SCRN3: variants seen among roughly 807,000 people sequenced by gnomAD.
SCRN3 encodes the protein secernin 3.
SCRN3 carries 39 observed loss-of-function variants against 43.1 expected under a neutral mutation model. That is an observed-to-expected ratio of 0.91 (90% CI 0.70 to 1.18). The LOEUF (loss-of-function observed/expected upper bound fraction) is 1.18, where lower values mean the gene tolerates loss of function less well. Ranked by LOEUF, SCRN3 falls within the 50% of genes most tolerant of loss-of-function variation. The pLI is 0.00. For missense variants in SCRN3, 484 were observed against 498.0 expected, an observed-to-expected ratio of 0.97 and a Z score of 0.27; for synonymous variants, 147 against 163.1, an observed-to-expected ratio of 0.90 and a Z score of 0.75.
Position 174,427,831 on chromosome 2 carries a change from C to A in SCRN3, c.1211C>A (p.Pro404His), listed in dbSNP as rs773088386. 1 of 1,606,874 alleles carries A rather than the reference C, an allele frequency of 6.2e-7. No individual in the cohort carries two copies. The highest frequency in any genetic ancestry group is 1.7e-5 in the Admixed American group (1 of 59,850). ...LDVEKIVNLF[P>H]QCTKDEIQIY... ...GTGGAGAAAATTGTTAATCTCTTTCCTCAGTGTACAAAAGATGAAATTCAA... is the reference window on the plus strand; with the variant it reads ...GTGGAGAAAATTGTTAATCTCTTTCATCAGTGTACAAAAGATGAAATTCAA... Residue 404 changes from proline to histidine, a missense_variant, in exon 8 of 8, where the codon CCT becomes CAT. Physicochemically the swap from Pro to His is moderately conservative, Grantham distance 77. Transcript: ENST00000272732.
At chr2:174,399,840 C>G in intron 2 of SCRN3, 82 bp from the exon 3 acceptor site, 3 of 1,035,686 alleles carry the variant, frequency 2.9e-6, no homozygotes, top group Non-Finnish European at 3.8e-6. Flanking sequence ...TGTCTTCTGA[C>G]TGATTTTTTT....
At chr2:174,396,984 A>G in intron 1 of SCRN3, 2 of 671,084 alleles carry the variant, frequency 3.0e-6, no homozygotes, top group Non-Finnish European at 3.7e-6. Flanking sequence ...ATGAGGCAGA[A>G]GGCATAGGTA....
chr2:174,408,340 G>T, intron 5 of SCRN3, among the ~76,000 whole-genome samples: 1 of 129,854 alleles, frequency 7.7e-6, no homozygotes, highest in Admixed American at 7.8e-5. Context: ...CTTTTATTTT[G>T]AGCCTATGTG....
intron 5 of SCRN3, among the ~76,000 whole-genome samples, chr2:174,418,569 G>A (rs1413445028): frequency 6.6e-6 from 1 of 152,158 alleles, no homozygotes; most frequent in Non-Finnish European, 1.5e-5. Context: ...GATTACTTAT[G>A]GCTATCCCAC....
intron 5 of SCRN3, among the ~76,000 whole-genome samples, chr2:174,416,919 A>G (rs1459744280): frequency 6.6e-6 from 1 of 152,228 alleles, no homozygotes; most frequent in African/African-American, 2.4e-5. Context: ...CAGAATATTT[A>G]TAGAATGCCT....
chr2:174,426,463 G>T (rs1686485322), intron 7 of SCRN3, among the ~76,000 whole-genome samples: 1 of 152,056 alleles, frequency 6.6e-6, no homozygotes, highest in Non-Finnish European at 1.5e-5. Context: ...CCCCATAATG[G>T]TTCAAATTTT....
intron 7 of SCRN3, 129 bp from the exon 8 acceptor site, chr2:174,427,584 G>A: frequency 2.1e-6 from 1 of 475,110 alleles, no homozygotes; most frequent in Non-Finnish European, 3.6e-6. Flanking sequence ...TGTCTCTAAA[G>A]AACAAGAAGG....
intron 5 of SCRN3, among the ~76,000 whole-genome samples, chr2:174,417,265 T>C (rs1686144693): frequency 6.6e-6 from 1 of 152,090 alleles, no homozygotes; most frequent in African/African-American, 2.4e-5. Flanking sequence ...GTCCTGCACA[T>C]GTATCCCGGA....
rs147045670 is a variant in SCRN3, at chr2:174,402,144, G to C, written c.541+955G>C. Among the ~76,000 whole-genome samples the C allele has an allele frequency of 3.1e-3, 478 of 152,184 alleles. 5 individuals are homozygous for C. The highest frequency in any genetic ancestry group is 0.011 in the African/African-American group (451 of 41,488). On this transcript the variant is annotated intron_variant, in intron 4 of 7. Transcript: ENST00000272732. ...TTATTAATATATAACATTGTAGTTA[G>C]ACTTTTTCTTTTTGTGATAATTGGC... is the stretch of plus-strand genomic sequence containing the variant.
intron 7 of SCRN3, 138 bp downstream of exon 7, chr2:174,424,787 T>G: frequency 1.7e-6 from 1 of 593,292 alleles, no homozygotes; most frequent in African/African-American, 1.9e-5. Flanking sequence ...CAGACTATAG[T>G]AGAGCTGTAT....
At chr2:174,405,733 G>A (rs1685671856) in intron 5 of SCRN3, among the ~76,000 whole-genome samples, 1 of 150,348 alleles carries the variant, frequency 6.7e-6, no homozygotes, top group Non-Finnish European at 1.5e-5. Context: ...CCCATTGCTT[G>A]TTTTTCTCAG....
intron 5 of SCRN3, among the ~76,000 whole-genome samples, chr2:174,408,342 G>A (rs1290801058): frequency 7.6e-6 from 1 of 131,834 alleles, no homozygotes; most frequent in African/African-American, 2.6e-5. Flanking sequence ...TTTATTTTGA[G>A]CCTATGTGTG....
At chr2:174,397,402 G>A in intron 1 of SCRN3, 1 of 913,464 alleles carries the variant, frequency 1.1e-6, no homozygotes, top group Non-Finnish European at 1.3e-6. Flanking sequence ...TACAACTGAA[G>A]AGGTAATCTA....
chr2:174,427,626 C>T (rs1686532315), intron 7 of SCRN3, 87 bp from the exon 8 acceptor site: 2 of 704,862 alleles, frequency 2.8e-6, no homozygotes, highest in Non-Finnish European at 4.2e-6. Flanking sequence ...CCAGCATGAA[C>T]AAACCTTATT....
At chr2:174,396,124 A>G (rs999599489) in intron 1 of SCRN3, 7 of 966,876 alleles carry the variant, frequency 7.2e-6, no homozygotes, top group South Asian at 4.7e-5. Flanking sequence ...CGAGAATCCA[A>G]CAATATGATG....
chr2:174,427,870 ATTT>A lies in SCRN3; in HGVS notation c.1251_1253del (p.Asn417_Leu418delinsLys), dbSNP rs1204314895. On this transcript the variant is annotated inframe_deletion, in exon 8 of 8. Transcript: ENST00000272732. ...GATGAAATTCAAATTTATCAGTCAA[ATTT>A]ATCAGTCAAAGTTAGTTCTTAGTGA... The A allele has an allele frequency of 1.2e-5, 19 of 1,584,864 alleles. 1 individual carries two copies. In the South Asian group the frequency reaches 2.0e-4, roughly 17 times the overall value.
At position 174,429,450 on chromosome 2, in the gene SCRN3, C is replaced by G. The variant is rs1406618608; in HGVS notation, c.*1555C>G. On this transcript the variant is annotated 3_prime_UTR_variant, in exon 8 of 8. Transcript: ENST00000272732. ...GATTATGAATTCCCCTCCTAAAACT[C>G]TTTTTTAAAAGAGACTTTATTTTTT... The G allele has an allele frequency of 6.6e-6, 1 of 152,084 alleles. No individual in the cohort carries two copies. Among genetic ancestry groups the G allele is most frequent in the African/African-American group, 2.4e-5 (1 of 41,400 alleles). 9.4% of individuals were successfully genotyped at this position (152,084 alleles called of 1,614,324 possible).
chr2:174,395,733 A>T lies in SCRN3; in HGVS notation c.-94A>T, dbSNP rs79388135. 2.1e-3 allele frequency: 3,453 copies of T among 1,606,354 alleles called. 68 individuals carry two copies. The African/African-American group carries it at 0.039, about 18-fold the overall frequency. On this transcript the variant is annotated 5_prime_UTR_variant, in exon 1 of 8. Coordinates refer to ENST00000272732, the MANE Select transcript of SCRN3 (RefSeq NM_024583.5). ...GCAGCAAGGGGGAACTTCCGAGATC[A>T]AAGGTGACAGCTTCCGGCAACTGAT...
At position 174,398,274 on chromosome 2, in the gene SCRN3, G is replaced by C. The variant is rs1466642807; in HGVS notation, c.-9-1G>C. On this transcript the variant is annotated splice_acceptor_variant, in intron 1 of 7. Coordinates refer to ENST00000272732, the MANE Select transcript of SCRN3 (RefSeq NM_024583.5). LOFTEE classifies it low-confidence loss of function (5UTR_SPLICE). ...TTTTAAAACATCTGTATAATTTTTA[G>C]TTAAAAAAAATGGAACCTTTTTCCT... is the stretch of plus-strand genomic sequence containing the variant. 1 of 1,542,662 alleles carries C rather than the reference G, an allele frequency of 6.5e-7. No homozygotes were observed. Among genetic ancestry groups the C allele is most frequent in the Non-Finnish European group, 8.7e-7 (1 of 1,148,658 alleles).
Sources: gnomAD v4.1 joint callset for allele counts (sites outside exome capture counted in the v4.1 genomes callset) on GRCh38, gnomAD v4.1.1 for gene constraint, MANE v1.5 for transcripts, NCBI Gene and HGNC (gene_info 2026-07-23, HGNC 2026-07-21) for gene names.